JAZF1: variants seen among roughly 807,000 people sequenced by gnomAD.
JAZF1 encodes JAZF zinc finger 1, also known as juxtaposed with another zinc finger protein 1.
JAZF1 carries 8 observed loss-of-function variants against 26.4 expected under a neutral mutation model. The ratio of observed to expected loss-of-function variants is 0.30; its 90% confidence interval spans 0.18 to 0.55. The LOEUF (loss-of-function observed/expected upper bound fraction) is 0.55, where lower values mean the gene tolerates loss of function less well. Ranked by LOEUF, JAZF1 falls within the 20% of genes least tolerant of loss-of-function variation. JAZF1 has a pLI of 0.94. For synonymous variants in JAZF1, 126 were observed against 122.3 expected, an observed-to-expected ratio of 1.03 and a Z score of -0.20; for missense variants, 199 against 322.0, an observed-to-expected ratio of 0.62 and a Z score of 2.92.
chr7:27,922,733 A>T (rs897148573), intron 2 of JAZF1, among the ~76,000 whole-genome samples: 2 of 152,122 alleles, frequency 1.3e-5, no homozygotes, highest in African/African-American at 4.8e-5. Flanking sequence ...ATTTGACCAA[A>T]ATATTTCCTT....
intron 1 of JAZF1, among the ~76,000 whole-genome samples, chr7:28,156,477 T>C (rs1213232777): frequency 6.6e-6 from 1 of 152,222 alleles, no homozygotes; most frequent in African/African-American, 2.4e-5. Context: ...TTTAGGTAAG[T>C]GGAGAAAATG....
At chr7:28,059,072 T>C (rs545889329) in intron 1 of JAZF1, among the ~76,000 whole-genome samples, 1 of 152,348 alleles carries the variant, frequency 6.6e-6, no homozygotes, top group South Asian at 2.1e-4. Context: ...TTTGGGGTGA[T>C]AGTAGTAACA....
intron 1 of JAZF1, among the ~76,000 whole-genome samples, chr7:28,075,911 G>C (rs1288994185): frequency 6.6e-6 from 1 of 152,202 alleles, no homozygotes; most frequent in Non-Finnish European, 1.5e-5. Flanking sequence ...TAATGGGAGA[G>C]ACAAGAGATA....
chr7:27,898,310 G>A (rs1213417883), intron 2 of JAZF1, among the ~76,000 whole-genome samples: 2 of 16,090 alleles, frequency 1.2e-4, no homozygotes, highest in African/African-American at 2.1e-4. Context: ...TATATACATC[G>A]GTTTTTTTTT....
chr7:27,983,629 A>G (rs1303378927), intron 2 of JAZF1, among the ~76,000 whole-genome samples: 2 of 152,182 alleles, frequency 1.3e-5, no homozygotes, highest in Non-Finnish European at 2.9e-5. Flanking sequence ...GAGAAAAGCA[A>G]CTCCAAGACA....
At chr7:27,929,758 A>T (rs1217685472) in intron 2 of JAZF1, among the ~76,000 whole-genome samples, 2 of 152,194 alleles carry the variant, frequency 1.3e-5, no homozygotes, top group African/African-American at 4.8e-5. Flanking sequence ...CCAAATAATA[A>T]ATGGCAGTAT....
chr7:27,898,375 C>A (rs146194744), intron 2 of JAZF1, among the ~76,000 whole-genome samples: 16 of 144,786 alleles, frequency 1.1e-4, no homozygotes, highest in African/African-American at 3.7e-4. Flanking sequence ...TGCAGTGGCA[C>A]GATCTCGGCT....
At chr7:27,855,625 A>C (rs1786594637) in intron 3 of JAZF1, among the ~76,000 whole-genome samples, 1 of 152,216 alleles carries the variant, frequency 6.6e-6, no homozygotes. Context: ...GAAATGGATA[A>C]ATTCTTGGAC....
chr7:27,882,261 TTGA>T (rs1238788662), intron 3 of JAZF1, among the ~76,000 whole-genome samples: 1 of 152,122 alleles, frequency 6.6e-6, no homozygotes, highest in Non-Finnish European at 1.5e-5. Context: ...TTTCTTATGG[TTGA>T]TTTTACCTAT....
chr7:27,975,802 T>C lies in JAZF1; in HGVS notation c.188+16107A>G, dbSNP rs185279855. Among the ~76,000 whole-genome samples, 80 of 152,250 alleles carry C rather than the reference T, an allele frequency of 5.3e-4. 1 individual carries two copies. In the East Asian group the frequency reaches 0.015, roughly 28 times the overall value. ...AAATACTGATGAGTGGACATAAAGA[T>C]TTTTAAAAATGGTCTGATGTGATTT... is the stretch of plus-strand genomic sequence containing the variant. On this transcript the variant is annotated intron_variant, in intron 2 of 4. Coordinates refer to ENST00000283928, the MANE Select transcript of JAZF1 (RefSeq NM_175061.4).
intron 2 of JAZF1, among the ~76,000 whole-genome samples, chr7:27,989,058 C>A (rs868350979): frequency 6.6e-6 from 1 of 151,948 alleles, no homozygotes; most frequent in African/African-American, 2.4e-5. Context: ...GCTACAGTAA[C>A]CAAAACAGCA....
At chr7:27,985,905 C>G (rs931545710) in intron 2 of JAZF1, among the ~76,000 whole-genome samples, 7 of 152,258 alleles carry the variant, frequency 4.6e-5, no homozygotes, top group African/African-American at 7.2e-5. Flanking sequence ...ATTCAACAGC[C>G]CTTTATGCTA....
intron 1 of JAZF1, among the ~76,000 whole-genome samples, chr7:28,178,563 T>G (rs1783582299): frequency 6.6e-6 from 1 of 152,178 alleles, no homozygotes; most frequent in South Asian, 2.1e-4. Context: ...TATTTATTTT[T>G]TACTTATTAT....
At chr7:28,007,366 C>T (rs116720015) in intron 1 of JAZF1, among the ~76,000 whole-genome samples, 2,131 of 152,078 alleles carry the variant, frequency 0.014, 55 homozygotes, top group African/African-American at 0.049. Context: ...GTAGGGAGTT[C>T]GAGATCAATC....
At chr7:28,157,530 A>T (rs1783206523) in intron 1 of JAZF1, among the ~76,000 whole-genome samples, 1 of 152,228 alleles carries the variant, frequency 6.6e-6, no homozygotes, top group African/African-American at 2.4e-5. Flanking sequence ...TGTAAAAGCT[A>T]TTCTTAGTAT....
chr7:27,961,209 T>C (rs1785180877), intron 2 of JAZF1, among the ~76,000 whole-genome samples: 1 of 152,188 alleles, frequency 6.6e-6, no homozygotes, highest in African/African-American at 2.4e-5. Context: ...ATGGATAAAC[T>C]AAGGCACACA....
chr7:27,841,102 C>T (rs1313700184), intron 3 of JAZF1: 1 of 455,598 alleles, frequency 2.2e-6, no homozygotes, highest in African/African-American at 2.0e-5. Context: ...CAATTCACAG[C>T]TAGGAGTTGG....
intron 4 of JAZF1, among the ~76,000 whole-genome samples, chr7:27,834,039 G>GTTTCCTAAAATAT (rs1447806885): frequency 6.6e-6 from 1 of 152,212 alleles, no homozygotes; most frequent in African/African-American, 2.4e-5. Flanking sequence ...AGAGTGAGCT[G>GTTTCCTAAAATAT]TTTCCTAAAA....
chr7:27,830,878 T>TGAAA lies in JAZF1; in HGVS notation c.*1918_*1921dup, dbSNP rs1463479273. On this transcript the variant is annotated 3_prime_UTR_variant, in exon 5 of 5. Coordinates refer to ENST00000283928, the MANE Select transcript of JAZF1 (RefSeq NM_175061.4). ...AATTGGAATTTATCTTTGAAAGCAT[T>TGAAA]GAAAGAAATTTAACATGCACAATGA... 2 of 214,334 alleles carry TGAAA rather than the reference T, an allele frequency of 9.3e-6. No homozygotes were observed. Among genetic ancestry groups the TGAAA allele is most frequent in the Admixed American group, 5.8e-5 (1 of 17,180 alleles). 13.3% of individuals were successfully genotyped at this position (214,334 alleles called of 1,614,324 possible). A position where few individuals can be genotyped will look rare whatever the true frequency, so the allele number is the denominator to read the frequency against.
Sources: allele counts gnomAD v4.1 joint callset (sites outside exome capture counted in the v4.1 genomes callset), GRCh38; gene constraint gnomAD v4.1.1; transcripts MANE v1.5; gene names NCBI Gene and HGNC (gene_info 2026-07-23, HGNC 2026-07-21).